Variants in ADAMTS6 observed in about 807,000 individuals in gnomAD.
ADAMTS6 encodes the protein A disintegrin and metalloproteinase with thrombospondin motifs 6.
Under a neutral mutation model 144.3 loss-of-function variants are expected in ADAMTS6, and 23 were observed. The ratio of observed to expected loss-of-function variants is 0.16; its 90% CI spans 0.11 to 0.23. The LOEUF (loss-of-function observed/expected upper bound fraction) is 0.23, where lower values mean the gene tolerates loss of function less well. Among genes scored for constraint, ADAMTS6 ranks in the 10% least tolerant of loss-of-function variants. The pLI, the probability that ADAMTS6 is intolerant of heterozygous loss-of-function variation, is 1.00. For missense variants in ADAMTS6, 999 were observed against 1,379.6 expected, an observed-to-expected ratio of 0.72 and a Z score of 4.37; for synonymous variants, 444 against 457.5, an observed-to-expected ratio of 0.97 and a Z score of 0.38.
At chr5:65,307,956 C>T (rs1035292479) in intron 9 of ADAMTS6, among the ~76,000 whole-genome samples, 1 of 152,182 alleles carries the variant, frequency 6.6e-6, no homozygotes, top group African/African-American at 2.4e-5. Context: ...ACCTCTGGGA[C>T]ATACACTTAC....
At chr5:65,365,571 T>C (rs1038578913) in intron 7 of ADAMTS6, among the ~76,000 whole-genome samples, 9 of 150,072 alleles carry the variant, frequency 6.0e-5, no homozygotes, top group Admixed American at 1.3e-4. Context: ...CACTTGAACC[T>C]GGGAGGCGGA....
At chr5:65,182,443 CAAA>C (rs1216237939) in intron 22 of ADAMTS6, among the ~76,000 whole-genome samples, 2 of 56,474 alleles carry the variant, frequency 3.5e-5, no homozygotes, top group African/African-American at 5.3e-5. Flanking sequence ...GACTCCATCT[CAAA>C]AAAAAAAAAA....
intron 9 of ADAMTS6, among the ~76,000 whole-genome samples, chr5:65,306,082 T>C (rs1248537903): frequency 6.6e-6 from 1 of 152,210 alleles, no homozygotes; most frequent in Non-Finnish European, 1.5e-5. Flanking sequence ...GTGTGCAGCA[T>C]TTATATGGCC....
At chr5:65,309,450 G>T (rs542934519) in intron 9 of ADAMTS6, among the ~76,000 whole-genome samples, 87 of 117,610 alleles carry the variant, frequency 7.4e-4, no homozygotes, top group African/African-American at 2.7e-3. Flanking sequence ...AGTAATGTGG[G>T]CAATGTGGCA....
At position 65,188,136 on chromosome 5, in the gene ADAMTS6, G is replaced by C. The variant is rs1032747055; in HGVS notation, c.2790C>G (p.Ile930Met). Reference protein sequence around the residue: ...RTRAVLCIRKIGPSEEETLDY... With the variant: ...RTRAVLCIRKMGPSEEETLDY... ...CCAGCGTCTCCTCCTCAGAAGGTCC[G>C]ATCTTCCTGATGCAGAGCACTGCCC... Residue 930 changes from isoleucine (I) to methionine (M), a missense_variant, in exon 22 of 25, where the codon ATC becomes ATG. Transcript: ENST00000381055. The C allele has an allele frequency of 6.2e-7, 1 of 1,614,092 alleles. No individual in the cohort carries two copies. The highest frequency in any genetic ancestry group is 8.5e-7 in the Non-Finnish European group (1 of 1,179,994).
At chr5:65,429,838 A>T (rs986175585) in intron 7 of ADAMTS6, among the ~76,000 whole-genome samples, 1 of 152,312 alleles carries the variant, frequency 6.6e-6, no homozygotes, top group East Asian at 1.9e-4. Context: ...AAGAGTTCAC[A>T]AACAAAATTA....
chr5:65,391,519 A>G (rs1752912938), intron 7 of ADAMTS6, among the ~76,000 whole-genome samples: 1 of 152,088 alleles, frequency 6.6e-6, no homozygotes, highest in Non-Finnish European at 1.5e-5. Context: ...AAATCCTAAG[A>G]AATCCACTTA....
At chr5:65,330,649 T>C (rs1482043988) in intron 8 of ADAMTS6, among the ~76,000 whole-genome samples, 3 of 152,162 alleles carry the variant, frequency 2.0e-5, no homozygotes, top group Non-Finnish European at 4.4e-5. Flanking sequence ...CTAGAAGTTG[T>C]GTTTCTCTGT....
At chr5:65,308,800 T>A (rs573887407) in intron 9 of ADAMTS6, among the ~76,000 whole-genome samples, 11 of 152,316 alleles carry the variant, frequency 7.2e-5, no homozygotes, top group Admixed American at 3.9e-4. Context: ...ATCAGTTTTT[T>A]AAATAGAAAC....
At chr5:65,363,030 A>G (rs558691822) in intron 7 of ADAMTS6, among the ~76,000 whole-genome samples, 1 of 152,310 alleles carries the variant, frequency 6.6e-6, no homozygotes, top group South Asian at 2.1e-4. Context: ...TCTAAAACTC[A>G]TAAAGATGTA....
At chr5:65,167,556 C>G (rs1386415348) in intron 24 of ADAMTS6, among the ~76,000 whole-genome samples, 1 of 144,780 alleles carries the variant, frequency 6.9e-6, no homozygotes, top group East Asian at 2.1e-4. Context: ...ATTCTGATAC[C>G]AAAGCCGGGC....
chr5:65,355,110 A>G (rs894635693), intron 7 of ADAMTS6, among the ~76,000 whole-genome samples: 4 of 151,178 alleles, frequency 2.6e-5, no homozygotes, highest in African/African-American at 9.7e-5. Context: ...TCCCTGAAGT[A>G]CTCTTGTTGT....
chr5:65,259,530 T>C lies in ADAMTS6; in HGVS notation c.1830+1070A>G, dbSNP rs189541668. The stretch of plus-strand genomic sequence containing the variant: ...GAAGTAGTAAGCTGAAGACTTAGAA[T>C]TGACTATTAGATTTAACAGCATGGA... On this transcript the variant is annotated intron_variant, in intron 14 of 24. Transcript: ENST00000381055. Among the ~76,000 whole-genome samples, 60 of 152,302 alleles carry C rather than the reference T, an allele frequency of 3.9e-4. No individual in the cohort carries two copies. In the East Asian group the frequency reaches 0.011, roughly 27 times the overall value.
At chr5:65,444,012 A>G (rs1421524604) in intron 7 of ADAMTS6, among the ~76,000 whole-genome samples, 1 of 152,176 alleles carries the variant, frequency 6.6e-6, no homozygotes, top group Non-Finnish European at 1.5e-5. Context: ...AAACAAATAA[A>G]AGTCATTCAT....
intron 7 of ADAMTS6, among the ~76,000 whole-genome samples, chr5:65,339,725 A>G (rs1408979249): frequency 1.3e-5 from 2 of 152,012 alleles, no homozygotes; most frequent in Non-Finnish European, 2.9e-5. Flanking sequence ...AATACAATCA[A>G]GAGTTTCAAC....
intron 7 of ADAMTS6, chr5:65,415,395 G>C (rs1014576406): frequency 3.1e-5 from 5 of 161,438 alleles, no homozygotes; most frequent in Non-Finnish European, 1.4e-5. Flanking sequence ...CGGGGGCCCA[G>C]GGATGGGAAA....
intron 21 of ADAMTS6, among the ~76,000 whole-genome samples, chr5:65,188,809 C>G (rs1227455537): frequency 6.6e-6 from 1 of 152,194 alleles, no homozygotes; most frequent in Non-Finnish European, 1.5e-5. Flanking sequence ...ATATAACAAA[C>G]AAGAAATAGT....
intron 21 of ADAMTS6, among the ~76,000 whole-genome samples, chr5:65,192,063 T>A (rs1755048374): frequency 6.6e-6 from 1 of 152,070 alleles, no homozygotes; most frequent in African/African-American, 2.4e-5. Flanking sequence ...CTAATGAATT[T>A]TTTTCTAAGC....
intron 14 of ADAMTS6, among the ~76,000 whole-genome samples, chr5:65,258,630 T>C (rs577051700): frequency 1.3e-5 from 2 of 152,276 alleles, no homozygotes; most frequent in African/African-American, 2.4e-5. Flanking sequence ...AGAGCAGCAG[T>C]AGTGAAGTTA....
Sources: gnomAD v4.1 joint callset for allele counts (sites outside exome capture counted in the v4.1 genomes callset) on GRCh38, gnomAD v4.1.1 for gene constraint, MANE v1.5 for transcripts, NCBI Gene and HGNC (gene_info 2026-07-23, HGNC 2026-07-21) for gene names.